The following DENND2D variants were observed in gnomAD, a reference collection of about 807,000 sequenced individuals.
The protein encoded by DENND2D is DENN domain containing 2D, also known as DENN domain-containing protein 2D.
A neutral mutation model predicts 59.8 loss-of-function variants in DENND2D; 37 were observed. That is an observed-to-expected ratio of 0.62 (90% CI 0.48 to 0.81). DENND2D has a LOEUF of 0.81. Ranked by LOEUF, DENND2D falls within the 40% of genes least tolerant of loss-of-function variation. The pLI is 0.00. For missense variants in DENND2D, 525 were observed against 579.7 expected, an observed-to-expected ratio of 0.91 and a Z score of 0.97; for synonymous variants, 219 against 211.3, an observed-to-expected ratio of 1.04 and a Z score of -0.31.
upstream of DENND2D, chr1:111,200,703 T>C: frequency 7.7e-7 from 1 of 1,292,180 alleles, no homozygotes. Context: ...ATCCTGGCAC[T>C]GCAGCGCAGA....
chr1:111,193,150 C>T (rs1304263200), intron 7 of DENND2D, among the ~76,000 whole-genome samples: 1 of 152,160 alleles, frequency 6.6e-6, no homozygotes, highest in Admixed American at 6.5e-5. Flanking sequence ...GCCTCAAAGT[C>T]AAGGCCAATA....
At chr1:111,193,722 G>C (rs898345264) in intron 7 of DENND2D, among the ~76,000 whole-genome samples, 4 of 152,050 alleles carry the variant, frequency 2.6e-5, no homozygotes, top group African/African-American at 9.7e-5. Flanking sequence ...TCCCTCCCCA[G>C]ATATGAATAG....
chr1:111,195,789 G>A, intron 6 of DENND2D, 127 bp downstream of exon 6: 1 of 1,365,042 alleles, frequency 7.3e-7, no homozygotes, highest in South Asian at 1.3e-5. Context: ...TTCTAACCAA[G>A]TCCCAGTCCC....
At chr1:111,199,346 C>A (rs1021258353) in intron 2 of DENND2D, among the ~76,000 whole-genome samples, 1 of 152,170 alleles carries the variant, frequency 6.6e-6, no homozygotes, top group South Asian at 2.1e-4. Flanking sequence ...ATTTGGAAGA[C>A]CTATCAGGTC....
rs1264990061 is a variant in DENND2D, at chr1:111,191,387, G to A, written c.972+753C>T. 3.3e-5 allele frequency among the ~76,000 whole-genome samples: 5 copies of A among 152,302 alleles called. No homozygotes were observed. In the East Asian group the frequency reaches 9.6e-4, roughly 29 times the overall value. ...TGGAGTGAGTCAATGGTTATGGCCA[G>A]GGCAGACATTCCCAAGTCCCTCTTC... On this transcript the variant is annotated intron_variant, in intron 8 of 11. Coordinates refer to ENST00000357640, the MANE Select transcript of DENND2D (RefSeq NM_024901.5).
At chr1:111,196,131 C>T (rs1658205459) in intron 5 of DENND2D, 75 bp from the exon 6 acceptor site, 17 of 1,508,424 alleles carry the variant, frequency 1.1e-5, no homozygotes, top group Non-Finnish European at 1.5e-5. Flanking sequence ...TCTACTTGCC[C>T]CTGAGCGTCA....
At chr1:111,197,154 C>CAAACAGGT (rs1557960716) in intron 5 of DENND2D, 22 bp downstream of exon 5, 2 of 1,163,168 alleles carry the variant, frequency 1.7e-6, no homozygotes, top group Admixed American at 6.0e-5. Flanking sequence ...TATGGGCAGG[C>CAAACAGGT]CCTGAGGAAT....
At chr1:111,199,518 G>C in intron 2 of DENND2D, 105 bp downstream of exon 2, 2 of 1,353,062 alleles carry the variant, frequency 1.5e-6, no homozygotes, top group Non-Finnish European at 2.0e-6. Context: ...GCAGCTCCAG[G>C]CTCAAGCCCC....
At chr1:111,192,083 G>C in intron 8 of DENND2D, 57 bp downstream of exon 8, 1 of 1,456,908 alleles carries the variant, frequency 6.9e-7, no homozygotes, top group Non-Finnish European at 9.2e-7. Context: ...GCAGAGCTGG[G>C]ATCTGAATCC....
chr1:111,197,005 CT>C (rs1457891524), intron 5 of DENND2D, 170 bp downstream of exon 5: 7 of 718,452 alleles, frequency 9.7e-6, no homozygotes, highest in Non-Finnish European at 1.1e-5. Flanking sequence ...TCAATTTCCA[CT>C]TTTCCCTTAA....
chr1:111,198,093 G>A (rs1394746227), intron 3 of DENND2D, 104 bp from the exon 4 acceptor site: 4 of 1,104,688 alleles, frequency 3.6e-6, no homozygotes, highest in East Asian at 2.6e-5. Context: ...GGGAGTTGCT[G>A]ATTAATCACA....
chr1:111,192,502 C>G (rs1336304559), intron 7 of DENND2D, among the ~76,000 whole-genome samples, 185 bp from the exon 8 acceptor site: 1 of 152,152 alleles, frequency 6.6e-6, no homozygotes, highest in East Asian at 1.9e-4. Context: ...GGGACAGAAA[C>G]TAGAGAGTCT....
intron 5 of DENND2D, chr1:111,196,315 A>C: frequency 3.0e-6 from 1 of 329,210 alleles, no homozygotes; most frequent in Non-Finnish European, 5.6e-6. Context: ...ACACATCCAT[A>C]TTCTTCCCCT....
intron 8 of DENND2D, among the ~76,000 whole-genome samples, chr1:111,190,471 T>G (rs973277117): frequency 1.3e-5 from 2 of 152,220 alleles, no homozygotes; most frequent in Non-Finnish European, 2.9e-5. Context: ...GTAATTGATT[T>G]GGTTTCCAAT....
Position 111,187,507 on chromosome 1 carries a change from A to T in DENND2D, c.*98T>A, listed in dbSNP as rs1203672819. Reference sequence around the variant, plus strand: ...ACCAAGACTCAGAGTGAGGATATGGATTTTGGGAGCTGACAGTTTTGCTGA... The same window carrying T: ...ACCAAGACTCAGAGTGAGGATATGGTTTTTGGGAGCTGACAGTTTTGCTGA... On this transcript the variant is annotated 3_prime_UTR_variant, in exon 12 of 12. Transcript: ENST00000357640. 14 of 962,226 alleles carry T rather than the reference A, an allele frequency of 1.5e-5. 1 individual carries two copies. The highest frequency in any genetic ancestry group is 1.1e-4 in the South Asian group (8 of 72,090). 59.6% of individuals were successfully genotyped at this position (962,226 alleles called of 1,614,324 possible).
chr1:111,190,934 T>C (rs1657710598), intron 8 of DENND2D, among the ~76,000 whole-genome samples: 1 of 152,148 alleles, frequency 6.6e-6, no homozygotes, highest in South Asian at 2.1e-4. Flanking sequence ...TATAAATAAT[T>C]TGTTTTTCAA....
At chr1:111,198,784 G>T (rs1305379332) in intron 2 of DENND2D, 42 bp from the exon 3 acceptor site, 2 of 1,600,404 alleles carry the variant, frequency 1.2e-6, no homozygotes, top group Non-Finnish European at 1.7e-6. Flanking sequence ...GAAGCTGGGG[G>T]CAGAGATAGC....
rs1375408734 is a variant in DENND2D, at chr1:111,188,799, A to G, written c.1015-13T>C. 1.9e-6 allele frequency: 3 copies of G among 1,611,800 alleles called. No individual in the cohort carries two copies. The highest frequency in any genetic ancestry group is 1.1e-5 in the South Asian group (1 of 91,034). On this transcript the variant is annotated splice_polypyrimidine_tract_variant and intron_variant, in intron 9 of 11. Transcript: ENST00000357640. ...TTTCATCACCAACCTAGAAGAGGAC[A>G]GAGCTCCGAGGTCAAGCAGGAAGGA... is the stretch of plus-strand genomic sequence containing the variant.
chr1:111,204,269 C>G, upstream of DENND2D: 2 of 1,463,638 alleles, frequency 1.4e-6, no homozygotes, highest in Non-Finnish European at 9.0e-7. Flanking sequence ...ACGCCGTCCC[C>G]CCGCGCTCTC....
Sources: allele counts gnomAD v4.1 joint callset (sites outside exome capture counted in the v4.1 genomes callset), GRCh38; gene constraint gnomAD v4.1.1; transcripts MANE v1.5; gene names NCBI Gene and HGNC (gene_info 2026-07-23, HGNC 2026-07-21).